Variants in MBD5 observed in about 807,000 individuals in gnomAD.
MBD5 encodes methyl-CpG binding domain protein 5, also known as methyl-CpG-binding domain protein 5.
In MBD5, 13 loss-of-function variants were observed where a neutral mutation model predicts 117.3. The observed-to-expected ratio is 0.11, with a 90% CI of 0.07 to 0.18. MBD5 has a LOEUF of 0.18. Ranked by LOEUF, MBD5 falls within the 10% of genes least tolerant of loss-of-function variation. MBD5 has a pLI of 1.00. For missense variants in MBD5, 1,879 were observed against 2,093.8 expected, an observed-to-expected ratio of 0.90 and a Z score of 2.00; for synonymous variants, 727 against 766.4, an observed-to-expected ratio of 0.95 and a Z score of 0.85.
intron 8 of MBD5, among the ~76,000 whole-genome samples, chr2:148,476,676 A>G (rs920914118): frequency 2.6e-5 from 4 of 152,190 alleles, no homozygotes; most frequent in Non-Finnish European, 4.4e-5. Flanking sequence ...GATCTCAATA[A>G]TGTTTCAGAA....
intron 1 of MBD5, among the ~76,000 whole-genome samples, chr2:148,150,427 C>A (rs1476737854): frequency 6.6e-6 from 1 of 151,990 alleles, no homozygotes. Context: ...GATGCAGGCT[C>A]TTTTTTGGTT....
At chr2:148,062,064 GAT>G (rs1573969618) in intron 1 of MBD5, 1 of 151,616 alleles carries the variant, frequency 6.6e-6, no homozygotes, top group East Asian at 1.9e-4. Flanking sequence ...GCATTGTCAT[GAT>G]GTCTGAAAAT....
intron 2 of MBD5, among the ~76,000 whole-genome samples, chr2:148,232,559 G>A (rs557070617): frequency 2.0e-5 from 3 of 151,814 alleles, no homozygotes; most frequent in East Asian, 3.9e-4. Context: ...TTGCAGCCTC[G>A]ACCACCTGGG....
At chr2:148,341,721 A>G (rs961553365) in intron 3 of MBD5, among the ~76,000 whole-genome samples, 2 of 152,038 alleles carry the variant, frequency 1.3e-5, no homozygotes, top group African/African-American at 2.4e-5. Context: ...ATTAAATCCC[A>G]AAGCCTCAAT....
intron 1 of MBD5, among the ~76,000 whole-genome samples, chr2:148,156,022 G>A (rs1488622089): frequency 6.6e-6 from 1 of 152,196 alleles, no homozygotes; most frequent in Non-Finnish European, 1.5e-5. Flanking sequence ...GGAAATGAAA[G>A]CAGTTTACTG....
chr2:148,139,610 T>C (rs1053505100), intron 1 of MBD5, among the ~76,000 whole-genome samples: 1 of 152,146 alleles, frequency 6.6e-6, no homozygotes, highest in Middle Eastern at 3.2e-3. Context: ...TTGGTATATG[T>C]AAAGAAAATA....
At chr2:148,056,855 C>T (rs1694879502) in intron 1 of MBD5, among the ~76,000 whole-genome samples, 1 of 151,288 alleles carries the variant, frequency 6.6e-6, no homozygotes, top group Non-Finnish European at 1.5e-5. Context: ...ATTAAGGTTG[C>T]TTTTTGTGTG....
chr2:148,451,442 G>A (rs568878053), intron 4 of MBD5, among the ~76,000 whole-genome samples: 1 of 152,208 alleles, frequency 6.6e-6, no homozygotes, highest in Non-Finnish European at 1.5e-5. Flanking sequence ...ATGGGGGGAG[G>A]TTGAATGAGG....
chr2:148,173,108 A>G (rs1391912214), intron 1 of MBD5, among the ~76,000 whole-genome samples: 1 of 152,206 alleles, frequency 6.6e-6, no homozygotes, highest in African/African-American at 2.4e-5. Context: ...GAGCAGTAAC[A>G]AACAGGGCTA....
chr2:148,377,166 C>T (rs1178289533), intron 4 of MBD5, among the ~76,000 whole-genome samples: 1 of 151,974 alleles, frequency 6.6e-6, no homozygotes, highest in Non-Finnish European at 1.5e-5. Flanking sequence ...GGAAGCCAGT[C>T]CAAGTCCCAA....
In MBD5 at chr2:148,516,932, C is replaced by T. The variant is rs2105307223; in HGVS notation, c.*3991C>T. ...ACAAATGTGTTTTGTAACATCATGC[C>T]TTTATGGATTAAGTATAAATACACT... On this transcript the variant is annotated 3_prime_UTR_variant, in exon 14 of 14. Transcript: ENST00000642680. 6.6e-6 allele frequency: 1 copy of T among 152,258 alleles called. No individual in the cohort carries two copies. The highest frequency in any genetic ancestry group is 1.9e-4 in the East Asian group (1 of 5,188). 9.4% of individuals were successfully genotyped at this position (152,258 alleles called of 1,614,324 possible).
chr2:148,244,227 C>G (rs1008282174), intron 3 of MBD5: 3 of 152,002 alleles, frequency 2.0e-5, no homozygotes, highest in African/African-American at 7.2e-5. Context: ...GGTGACAATA[C>G]CTATCTTATA....
chr2:148,043,196 CA>C (rs1237310659), intron 1 of MBD5, among the ~76,000 whole-genome samples: 10 of 151,518 alleles, frequency 6.6e-5, no homozygotes, highest in Non-Finnish European at 1.3e-4. Context: ...GAGGCCAAGG[CA>C]GGTGGATCAC....
At chr2:148,076,760 A>G (rs1269791307) in intron 1 of MBD5, among the ~76,000 whole-genome samples, 1 of 152,204 alleles carries the variant, frequency 6.6e-6, no homozygotes, top group Non-Finnish European at 1.5e-5. Context: ...TTATTCATCA[A>G]ATATTTATTA....
chr2:148,363,379 C>A (rs1703598274), intron 4 of MBD5, among the ~76,000 whole-genome samples: 1 of 152,074 alleles, frequency 6.6e-6, no homozygotes, highest in Admixed American at 6.6e-5. Context: ...ACTACAGGCG[C>A]CCGCCACCAC....
At chr2:148,501,903 G>A (rs796446305) in intron 11 of MBD5, among the ~76,000 whole-genome samples, 18 of 152,336 alleles carry the variant, frequency 1.2e-4, no homozygotes, top group African/African-American at 3.8e-4. Flanking sequence ...AATTTTCACA[G>A]CAGTTCTAGC....
At chr2:148,297,073 CG>C (rs1701672774) in intron 3 of MBD5, among the ~76,000 whole-genome samples, 1 of 151,588 alleles carries the variant, frequency 6.6e-6, no homozygotes, top group Non-Finnish European at 1.5e-5. Flanking sequence ...GTAGTAGAAA[CG>C]GGGTTTCACC....
chr2:148,043,732 G>A (rs748039287), intron 1 of MBD5, among the ~76,000 whole-genome samples: 4 of 152,084 alleles, frequency 2.6e-5, no homozygotes, highest in Non-Finnish European at 4.4e-5. Flanking sequence ...AGATATTTGT[G>A]CTGGGTTGAT....
At chr2:148,215,609 A>G (rs2106034740) in intron 2 of MBD5, among the ~76,000 whole-genome samples, 1 of 151,016 alleles carries the variant, frequency 6.6e-6, no homozygotes, top group East Asian at 1.9e-4. Flanking sequence ...GCAGCCTGGA[A>G]CTCCAGGCCT....
Sources: gnomAD v4.1 joint callset for allele counts (sites outside exome capture counted in the v4.1 genomes callset) on GRCh38, gnomAD v4.1.1 for gene constraint, MANE v1.5 for transcripts, NCBI Gene and HGNC (gene_info 2026-07-23, HGNC 2026-07-21) for gene names.